Variants in SCN10A observed in about 807,000 individuals in gnomAD.
SCN10A encodes sodium channel protein type 10 subunit alpha.
SCN10A carries 162 observed loss-of-function variants against 170.7 expected under a neutral mutation model. That is an observed-to-expected ratio of 0.95 (90% CI 0.84 to 1.08). The LOEUF is 1.08. SCN10A is among the 50% of genes least tolerant of loss of function. The pLI, the probability that SCN10A is intolerant of heterozygous loss-of-function variation, is 0.00. For missense variants in SCN10A, 2,527 were observed against 2,436.9 expected (o/e 1.04, Z -0.78); for synonymous variants, 985 against 904.6 (o/e 1.09, Z -1.59).
chr3:38,741,617 C>T (rs2063633262), intron 14 of SCN10A, among the ~76,000 whole-genome samples: 2 of 152,156 alleles, frequency 1.3e-5, no homozygotes, highest in Admixed American at 6.5e-5. Flanking sequence ...GAGTCAGATA[C>T]TTTATCCAGT....
rs921491588 is a variant in SCN10A at position 38,742,342 on chromosome 3, C to T, written c.2055G>A (p.Glu685=). 1.9e-6 allele frequency: 3 copies of T among 1,614,112 alleles called. No homozygotes were observed. The highest frequency in any genetic ancestry group is 8.5e-7 in the Non-Finnish European group (1 of 1,180,026). ...IVVNTIFMAM[E]HHGMSPTFEA... ...CGAAGGTAGGGCTCATGCCATGGTG[C>T]TCCATGGCCATGAAGATGGTGTTCA... The change falls in exon 14 of 28, where the codon GAG becomes GAA. Residue 685 remains glutamate (E), a synonymous_variant. Coordinates refer to ENST00000449082, the MANE Select transcript of SCN10A (RefSeq NM_006514.4).
At position 38,798,786 on chromosome 3, in the gene SCN10A, C is replaced by CTTTTTTTTTT. The variant is rs35930968; in HGVS notation, c.-32-4754_-32-4745dup. 1.6e-3 allele frequency among the ~76,000 whole-genome samples: 156 copies of CTTTTTTTTTT among 97,710 alleles called. 2 individuals are homozygous for CTTTTTTTTTT. The highest frequency in any genetic ancestry group is 2.0e-3 in the Non-Finnish European group (106 of 53,060). 64.1% of individuals were successfully genotyped at this position (97,710 alleles called of 152,430 possible). On this transcript the variant is annotated intron_variant, in intron 1 of 27. Transcript: ENST00000449082. ...AGCGATATTTGGTTCCCCTTGCCTC[C>CTTTTTTTTTT]TTTTTTTTTTTTTTTTTTTTTGAGA...
rs1409349617 is a variant in SCN10A at position 38,742,664 on chromosome 3, T to A, written c.1868-135A>T. 4.2e-6 allele frequency: 3 copies of A among 710,878 alleles called. No homozygotes were observed. In the Admixed American group the frequency reaches 5.9e-5, roughly 14 times the overall value. The allele number at this position is 710,878 out of a possible 1,614,324, so 44.0% of individuals were successfully genotyped here. A position where few individuals can be genotyped will look rare whatever the true frequency, so the allele number is the denominator to read the frequency against. On this transcript the variant is annotated intron_variant, in intron 13 of 27. Coordinates refer to ENST00000449082, the MANE Select transcript of SCN10A (RefSeq NM_006514.4). ...TTTTGACTTCAGCCCTCTCTCTGTC[T>A]CTGGTATTCATTTCCTATATTTTGA...
chr3:38,805,726 C>T (rs569771654), intron 1 of SCN10A, among the ~76,000 whole-genome samples: 4 of 152,262 alleles, frequency 2.6e-5, no homozygotes, highest in Non-Finnish European at 5.9e-5. Flanking sequence ...CATGATCCTG[C>T]CCAGTCCTTC....
rs769013651 is a variant in SCN10A, at chr3:38,698,199, C to A, written c.5021G>T (p.Gly1674Val). Residue 1674 changes from glycine to valine, a missense_variant, in exon 28 of 28, where the codon GGG becomes GTG. Gly to Val is a moderately radical substitution (Grantham distance 109). Coordinates refer to ENST00000449082, the MANE Select transcript of SCN10A (RefSeq NM_006514.4). ...CAGATTGGGGTCACAGTAGGGGGGC[C>A]CTGTGTTGAGGATGGGGCTGAGGAG... ...DGLLSPILNT[G>V]PPYCDPNLPN... The A allele has an allele frequency of 6.2e-6, 10 of 1,613,914 alleles. No individual in the cohort carries two copies. The highest frequency in any genetic ancestry group is 8.5e-6 in the Non-Finnish European group (10 of 1,180,000).
rs1382614223 is a variant in SCN10A at position 38,761,319 on chromosome 3, G to A, written c.756C>T (p.Leu252=). 2.5e-6 allele frequency: 4 copies of A among 1,613,972 alleles called. No individual in the cohort carries two copies. In the South Asian group the frequency reaches 3.3e-5, roughly 13 times the overall value. ...SVKKLADVTI[L]TIFCLSVFAL... ...CAAAAACACTTAGGCAGAAGATGGT[G>A]AGGATGGTCACATCAGCCAGTTTCT... The change falls in exon 7 of 28, where the codon CTC becomes CTT. Residue 252 remains leucine (L), a synonymous_variant. Transcript: ENST00000449082.
intron 14 of SCN10A, among the ~76,000 whole-genome samples, chr3:38,740,343 G>A (rs2063617943): frequency 6.6e-6 from 1 of 152,196 alleles, no homozygotes; most frequent in African/African-American, 2.4e-5. Context: ...ACAACAACCA[G>A]CAGGGAAGGG....
At chr3:38,770,384 T>A (rs567420353) in intron 5 of SCN10A, among the ~76,000 whole-genome samples, 1 of 151,898 alleles carries the variant, frequency 6.6e-6, no homozygotes, top group Non-Finnish European at 1.5e-5. Flanking sequence ...GGGGCAGGGG[T>A]AGGTGAGTCT....
chr3:38,743,987 C>T (rs573510446), intron 13 of SCN10A, among the ~76,000 whole-genome samples: 3 of 152,132 alleles, frequency 2.0e-5, no homozygotes, highest in East Asian at 3.9e-4. Flanking sequence ...ATAAATTCCT[C>T]GGCAAGACAT....
Position 38,750,292 on chromosome 3 carries a change from A to T in SCN10A, c.1756-108T>A, listed in dbSNP as rs946693288. On this transcript the variant is annotated intron_variant, in intron 12 of 27. Coordinates refer to ENST00000449082, the MANE Select transcript of SCN10A (RefSeq NM_006514.4). ...CCAATCTCATATATAGTCATATGTC[A>T]CTTACAGATAGAGATATGTTCTGAC... The T allele has an allele frequency of 8.2e-6, 5 of 611,388 alleles. No individual in the cohort carries two copies. In the African/African-American group the frequency reaches 9.2e-5, roughly 11 times the overall value. The allele number at this position is 611,388 out of a possible 1,614,324, so 37.9% of individuals were successfully genotyped here.
intron 5 of SCN10A, among the ~76,000 whole-genome samples, chr3:38,767,396 G>A (rs1040319220): frequency 6.6e-5 from 10 of 151,720 alleles, no homozygotes; most frequent in Admixed American, 3.9e-4. Context: ...TTTCCTCTTA[G>A]CACTGCTTTA....
rs1265687114 is a variant in SCN10A at position 38,697,522 on chromosome 3, T to C, written c.5698A>G (p.Asn1900Asp). 6.2e-7 allele frequency: 1 copy of C among 1,614,156 alleles called. No homozygotes were observed. Among genetic ancestry groups the C allele is most frequent in the Middle Eastern group, 1.6e-4 (1 of 6,062 alleles). Residue 1900 changes from asparagine (N) to aspartate (D), a missense_variant, in exon 28 of 28, where the codon AAT (asparagine) becomes GAT (aspartate). Physicochemically the swap from Asn to Asp is conservative, Grantham distance 23 (BLOSUM62 1). Transcript: ENST00000449082. The stretch of plus-strand genomic sequence containing the variant: ...TTGTCTGGGAGTACACAATTTTCAT[T>C]TGCTGTGAATGCAACAAAACCTTCA... ...PDEGFVAFTANENCVLPDKSE... is the reference protein window; with the variant it reads ...PDEGFVAFTADENCVLPDKSE...
intron 21 of SCN10A, among the ~76,000 whole-genome samples, chr3:38,717,541 T>C (rs532229141): frequency 6.6e-6 from 1 of 152,386 alleles, no homozygotes; most frequent in East Asian, 1.9e-4. Context: ...CAGCTAATCC[T>C]TGTGGTACAG....
intron 18 of SCN10A, among the ~76,000 whole-genome samples, chr3:38,723,932 C>A (rs1245721492): frequency 6.6e-6 from 1 of 152,216 alleles, no homozygotes; most frequent in East Asian, 1.9e-4. Flanking sequence ...AACCTGATAG[C>A]TTTGCTAATG....
chr3:38,730,201 C>A (rs1258335621), intron 15 of SCN10A, among the ~76,000 whole-genome samples: 1 of 152,150 alleles, frequency 6.6e-6, no homozygotes, highest in Non-Finnish European at 1.5e-5. Flanking sequence ...CACAAACAAT[C>A]CCAGGAGAAT....
intron 26 of SCN10A, among the ~76,000 whole-genome samples, chr3:38,702,949 C>A (rs2063172026): frequency 6.6e-6 from 1 of 152,136 alleles, no homozygotes; most frequent in South Asian, 2.1e-4. Flanking sequence ...CAACCCCATT[C>A]CCCACGCTTT....
At chr3:38,717,630 C>G (rs2063345947) in intron 21 of SCN10A, among the ~76,000 whole-genome samples, 1 of 152,204 alleles carries the variant, frequency 6.6e-6, no homozygotes, top group African/African-American at 2.4e-5. Flanking sequence ...GACCTGCCAG[C>G]ACAGGAGGCT....
intron 15 of SCN10A, among the ~76,000 whole-genome samples, chr3:38,735,400 T>A (rs970094206): frequency 6.6e-6 from 1 of 152,162 alleles, no homozygotes; most frequent in Non-Finnish European, 1.5e-5. Context: ...AAAAACCTCA[T>A]GGAAACATTT....
chr3:38,743,445 C>G (rs1283401558), intron 13 of SCN10A, among the ~76,000 whole-genome samples: 2 of 152,208 alleles, frequency 1.3e-5, no homozygotes. Context: ...ACCCCATGCT[C>G]TCTTTCATTA....
Sources: gnomAD v4.1 joint callset for allele counts (sites outside exome capture counted in the v4.1 genomes callset) on GRCh38, gnomAD v4.1.1 for gene constraint, MANE v1.5 for transcripts, NCBI Gene and HGNC (gene_info 2026-07-23, HGNC 2026-07-21) for gene names.